NCMAP: variants seen among roughly 807,000 people sequenced by gnomAD.
NCMAP encodes noncompact myelin-associated protein.
NCMAP carries 8 observed loss-of-function variants against 7.8 expected under a neutral mutation model. The ratio of observed to expected loss-of-function variants is 1.02; its 90% CI spans 0.60 to 1.84. The LOEUF is 1.84. Among genes scored for constraint, NCMAP ranks in the 40% most tolerant of loss-of-function variants. The pLI is 0.00. For synonymous variants in NCMAP, 41 were observed against 52.9 expected (o/e 0.78, Z 0.98); for missense variants, 112 against 131.4 (o/e 0.85, Z 0.72).
chr1:24,608,250 T>C lies in NCMAP; in HGVS notation c.*2503T>C, dbSNP rs1167065298. 6.6e-6 allele frequency: 1 copy of C among 152,236 alleles called. No homozygotes were observed. Among genetic ancestry groups the C allele is most frequent in the African/African-American group, 2.4e-5 (1 of 41,468 alleles). 9.4% of individuals were successfully genotyped at this position (152,236 alleles called of 1,614,324 possible). ...AACCAGGTCTCTTGACTCCAAAGTC[T>C]GTCTTTTTTGTGAAGTCACACTCCT... is the stretch of plus-strand genomic sequence containing the variant. On this transcript the variant is annotated 3_prime_UTR_variant, in exon 4 of 4. Coordinates refer to ENST00000374392, the MANE Select transcript of NCMAP (RefSeq NM_001010980.5).
At chr1:24,560,926 C>T (rs1651031106) in intron 1 of NCMAP, among the ~76,000 whole-genome samples, 1 of 152,068 alleles carries the variant, frequency 6.6e-6, no homozygotes, top group South Asian at 2.1e-4. Flanking sequence ...AGCCCTGGCC[C>T]TTTAACACCC....
At chr1:24,556,470 C>T (rs958031160) in intron 1 of NCMAP, among the ~76,000 whole-genome samples, 1 of 152,172 alleles carries the variant, frequency 6.6e-6, no homozygotes, top group Non-Finnish European at 1.5e-5. Flanking sequence ...GGCCGAGGCT[C>T]GCTGGAAGAA....
intron 1 of NCMAP, among the ~76,000 whole-genome samples, chr1:24,559,563 A>C (rs1650990716): frequency 6.6e-6 from 1 of 152,182 alleles, no homozygotes; most frequent in African/African-American, 2.4e-5. Flanking sequence ...GCTGCAGTTT[A>C]GTCTAAGGAA....
chr1:24,572,498 G>C (rs1045834435), intron 1 of NCMAP, among the ~76,000 whole-genome samples: 3 of 150,592 alleles, frequency 2.0e-5, no homozygotes, highest in Non-Finnish European at 4.4e-5. Flanking sequence ...GCAGCTCAGA[G>C]AGGAAGTGAA....
In NCMAP at chr1:24,607,799, G is replaced by C. The variant is rs1245402039; in HGVS notation, c.*2052G>C. ...GAATCACTTGAACCTGGAAGGCAGA[G>C]GTTGCAGTGAGCCAAGATCGTGCCA... On this transcript the variant is annotated 3_prime_UTR_variant, in exon 4 of 4. Coordinates refer to ENST00000374392, the MANE Select transcript of NCMAP (RefSeq NM_001010980.5). 6.6e-6 allele frequency: 1 copy of C among 152,372 alleles called. No homozygotes were observed. The highest frequency in any genetic ancestry group is 1.5e-5 in the Non-Finnish European group (1 of 68,156). The allele number at this position is 152,372 out of a possible 1,614,324, so 9.4% of individuals were successfully genotyped here.
chr1:24,582,519 T>A (rs1035113730), intron 1 of NCMAP, among the ~76,000 whole-genome samples: 1 of 151,868 alleles, frequency 6.6e-6, no homozygotes, highest in African/African-American at 2.4e-5. Flanking sequence ...GAGGAAGAGA[T>A]GTGATGATGG....
At chr1:24,602,513 T>C (rs1312178804) in intron 3 of NCMAP, among the ~76,000 whole-genome samples, 1 of 114,128 alleles carries the variant, frequency 8.8e-6, no homozygotes, top group African/African-American at 4.7e-5. Context: ...GAGCTTGCAG[T>C]GAGCGGAGAT....
At chr1:24,556,691 G>T (rs1230798194) in intron 1 of NCMAP, among the ~76,000 whole-genome samples, 2 of 151,892 alleles carry the variant, frequency 1.3e-5, no homozygotes, top group African/African-American at 4.8e-5. Flanking sequence ...AGGGGCTCGG[G>T]GGTCGCTCAT....
intron 3 of NCMAP, among the ~76,000 whole-genome samples, chr1:24,605,035 G>A (rs1652674391): frequency 6.6e-6 from 1 of 151,774 alleles, no homozygotes; most frequent in Non-Finnish European, 1.5e-5. Context: ...AGAATCGCTT[G>A]AACCCAGGAG....
intron 1 of NCMAP, among the ~76,000 whole-genome samples, chr1:24,585,121 A>G (rs997002078): frequency 2.6e-5 from 4 of 152,116 alleles, no homozygotes; most frequent in African/African-American, 7.2e-5. Context: ...AGTTCAGGGG[A>G]GCACACGGCA....
At chr1:24,560,969 T>C (rs1651032138) in intron 1 of NCMAP, among the ~76,000 whole-genome samples, 2 of 152,000 alleles carry the variant, frequency 1.3e-5, no homozygotes, top group Non-Finnish European at 2.9e-5. Context: ...CATGGTGCCC[T>C]TGGGGATGCA....
rs933602697 is a variant in NCMAP at position 24,609,198 on chromosome 1, C to T, written c.*3451C>T. The stretch of plus-strand genomic sequence containing the variant: ...AGCTGGTCTCATGCAGGGATCTCAC[C>T]ACGTGGTTATGTATTTTGTTTCTGA... On this transcript the variant is annotated 3_prime_UTR_variant, in exon 4 of 4. Transcript: ENST00000374392. 2.0e-5 allele frequency: 3 copies of T among 152,154 alleles called. No individual in the cohort carries two copies. Among genetic ancestry groups the T allele is most frequent in the African/African-American group, 7.2e-5 (3 of 41,402 alleles). 9.4% of individuals were successfully genotyped at this position (152,154 alleles called of 1,614,324 possible).
At chr1:24,597,861 T>C (rs1044919728) in intron 2 of NCMAP, among the ~76,000 whole-genome samples, 3 of 152,056 alleles carry the variant, frequency 2.0e-5, no homozygotes, top group Admixed American at 6.6e-5. Flanking sequence ...GATGTACTTA[T>C]ACTAAAACGG....
At position 24,572,772 on chromosome 1, in the gene NCMAP, C is replaced by T. The variant is rs981984145; in HGVS notation, c.-8+16603C>T. On this transcript the variant is annotated intron_variant, in intron 1 of 3. Transcript: ENST00000374392. Reference sequence around the variant, plus strand: ...TCACACTTGCCTCGCACGTTCCGCACGTCCTAAAAGTCTCTTCCACTTTTC... The same window carrying T: ...TCACACTTGCCTCGCACGTTCCGCATGTCCTAAAAGTCTCTTCCACTTTTC... Among the ~76,000 whole-genome samples the T allele has an allele frequency of 4.0e-5, 6 of 150,906 alleles. 1 individual carries two copies. Among genetic ancestry groups the T allele is most frequent in the East Asian group, 1.9e-4 (1 of 5,182 alleles).
At chr1:24,578,522 T>C (rs182249175) in intron 1 of NCMAP, among the ~76,000 whole-genome samples, 35 of 149,824 alleles carry the variant, frequency 2.3e-4, no homozygotes, top group African/African-American at 8.1e-4. Flanking sequence ...TCCCTAAGCC[T>C]GTTGGGGGAG....
intron 2 of NCMAP, among the ~76,000 whole-genome samples, chr1:24,597,419 G>A (rs940884680): frequency 6.0e-5 from 9 of 149,040 alleles, no homozygotes; most frequent in East Asian, 2.0e-4. Context: ...CATGAGAATC[G>A]CCTGAACCTG....
At chr1:24,600,599 A>C (rs542124089) in intron 2 of NCMAP, among the ~76,000 whole-genome samples, 1 of 152,370 alleles carries the variant, frequency 6.6e-6, no homozygotes, top group South Asian at 2.1e-4. Flanking sequence ...TACAAAAATC[A>C]CATGCTACTT....
chr1:24,565,144 CTT>C (rs11368502), intron 1 of NCMAP, among the ~76,000 whole-genome samples: 38,225 of 142,424 alleles, frequency 0.27, 5,536 homozygotes, highest in South Asian at 0.39. Flanking sequence ...TTTTATACAC[CTT>C]TTTTTTTTTT....
At chr1:24,586,849 T>TG (rs112689334) in intron 1 of NCMAP, among the ~76,000 whole-genome samples, 2 of 151,820 alleles carry the variant, frequency 1.3e-5, no homozygotes, top group African/African-American at 4.8e-5. Context: ...GAAAAAGAGT[T>TG]GGGGGCCATC....
Sources: gnomAD v4.1 joint callset for allele counts (sites outside exome capture counted in the v4.1 genomes callset) on GRCh38, gnomAD v4.1.1 for gene constraint, MANE v1.5 for transcripts, NCBI Gene and HGNC (gene_info 2026-07-23, HGNC 2026-07-21) for gene names.